The following VPS13D variants were observed in gnomAD, a reference collection of about 807,000 sequenced individuals.
VPS13D encodes intermembrane lipid transfer protein VPS13D.
A neutral mutation model predicts 461.9 loss-of-function variants in VPS13D; 187 were observed. That is an observed-to-expected ratio of 0.40 (90% CI 0.36 to 0.46). The LOEUF is 0.46. Among genes scored for constraint, VPS13D ranks in the 20% least tolerant of loss-of-function variants. VPS13D has a pLI of 0.60. For synonymous variants in VPS13D, 1,951 were observed against 1,986.3 expected (o/e 0.98, Z 0.47); for missense variants, 4,711 against 5,364.9 (o/e 0.88, Z 3.81).
At chr1:12,400,396 C>T in intron 61 of VPS13D, 66 bp downstream of exon 61, 1 of 1,578,942 alleles carries the variant, frequency 6.3e-7, no homozygotes, top group Non-Finnish European at 8.6e-7. Context: ...CTCTCACAGC[C>T]AAGTCTCAGA....
intron 55 of VPS13D, among the ~76,000 whole-genome samples, chr1:12,377,389 G>C (rs1644214096): frequency 6.6e-6 from 1 of 151,946 alleles, no homozygotes; most frequent in Non-Finnish European, 1.5e-5. Flanking sequence ...AAGTCTTATG[G>C]ACCAATGTCT....
intron 63 of VPS13D, 132 bp downstream of exon 63, chr1:12,404,105 A>T: frequency 3.0e-6 from 2 of 661,274 alleles, no homozygotes; most frequent in Non-Finnish European, 4.5e-6. Flanking sequence ...TTCATAGCAG[A>T]CATTTTATTT....
intron 39 of VPS13D, chr1:12,337,896 C>A: frequency 5.2e-6 from 1 of 192,810 alleles, no homozygotes; most frequent in Non-Finnish European, 1.1e-5. Context: ...TTTTTAATGC[C>A]ATTTAAGAAC....
intron 1 of VPS13D, among the ~76,000 whole-genome samples, chr1:12,231,409 T>A (rs1417889955): frequency 1.3e-5 from 2 of 152,236 alleles, no homozygotes; most frequent in Non-Finnish European, 2.9e-5. Context: ...CCAGGTTGCC[T>A]CACAATGCTA....
intron 67 of VPS13D, among the ~76,000 whole-genome samples, chr1:12,471,686 C>T (rs1177208726): frequency 6.6e-6 from 1 of 152,058 alleles, no homozygotes; most frequent in African/African-American, 2.4e-5. Flanking sequence ...TCCATTTTTA[C>T]GTTATTATGA....
intron 25 of VPS13D, among the ~76,000 whole-genome samples, 186 bp from the exon 26 acceptor site, chr1:12,304,320 A>G (rs1463741935): frequency 2.0e-5 from 3 of 152,176 alleles, no homozygotes; most frequent in Non-Finnish European, 4.4e-5. Context: ...GTGGCAGTAA[A>G]TGTCGTGATC....
chr1:12,475,543 A>G (rs1284070236), intron 67 of VPS13D, among the ~76,000 whole-genome samples: 1 of 152,248 alleles, frequency 6.6e-6, no homozygotes, highest in Non-Finnish European at 1.5e-5. Flanking sequence ...GCTGTAGTGT[A>G]CCTAAAGTAT....
At chr1:12,297,971 G>A (rs756391277) in intron 24 of VPS13D, among the ~76,000 whole-genome samples, 1 of 152,120 alleles carries the variant, frequency 6.6e-6, no homozygotes, top group African/African-American at 2.4e-5. Context: ...ATAACTGAAC[G>A]CATGTTCAAG....
Position 12,242,493 on chromosome 1 carries a change from G to C in VPS13D, c.98-20G>C. On this transcript the variant is annotated intron_variant, in intron 2 of 69. Coordinates refer to ENST00000620676, the MANE Select transcript of VPS13D (RefSeq NM_015378.4). ...TGTATTTGTTAAATGGATATTTCATGATGCTGTTTTTATTTTTAGGTGCTG... is the reference window on the plus strand; with the variant it reads ...TGTATTTGTTAAATGGATATTTCATCATGCTGTTTTTATTTTTAGGTGCTG... The C allele has an allele frequency of 6.2e-7, 1 of 1,607,598 alleles. No homozygotes were observed. The highest frequency in any genetic ancestry group is 8.5e-7 in the Non-Finnish European group (1 of 1,174,240).
In VPS13D at chr1:12,491,081, G is replaced by C. The variant is rs143007716; in HGVS notation, c.12663-6419G>C. On this transcript the variant is annotated intron_variant, in intron 67 of 69. Coordinates refer to ENST00000620676, the MANE Select transcript of VPS13D (RefSeq NM_015378.4). ...TCAGTGACCAGTATTGGAAGAGGTA[G>C]TCTGGATTGACCTTCGTTCTCAGTC... is the stretch of plus-strand genomic sequence containing the variant. Among the ~76,000 whole-genome samples the C allele has an allele frequency of 2.4e-3, 361 of 152,344 alleles. 2 individuals are homozygous for C. Among genetic ancestry groups the C allele is most frequent in the African/African-American group, 8.2e-3 (342 of 41,578 alleles).
At chr1:12,349,639 A>G (rs1322162481) in intron 46 of VPS13D, among the ~76,000 whole-genome samples, 1 of 152,214 alleles carries the variant, frequency 6.6e-6, no homozygotes, top group Admixed American at 6.5e-5. Context: ...GTGTTGTACA[A>G]CAGCATAAAG....
chr1:12,401,498 A>T, intron 61 of VPS13D, 110 bp from the exon 62 acceptor site: 2 of 715,654 alleles, frequency 2.8e-6, no homozygotes, highest in African/African-American at 1.8e-5. Context: ...TTATAGTTAT[A>T]AAGCCACATG....
chr1:12,347,235 G>A (rs532841802), intron 44 of VPS13D, among the ~76,000 whole-genome samples: 14 of 151,784 alleles, frequency 9.2e-5, no homozygotes, highest in South Asian at 2.1e-4. Flanking sequence ...CAGTGGTGCC[G>A]TCTCAGCTCA....
chr1:12,265,830 C>G (rs1641250409), intron 13 of VPS13D, among the ~76,000 whole-genome samples: 1 of 152,162 alleles, frequency 6.6e-6, no homozygotes. Flanking sequence ...GAGATGGAAT[C>G]TACTCCTGGT....
At chr1:12,296,062 G>C (rs1290769525) in intron 24 of VPS13D, among the ~76,000 whole-genome samples, 1 of 152,094 alleles carries the variant, frequency 6.6e-6, no homozygotes, top group East Asian at 1.9e-4. Context: ...ATTTCATTCT[G>C]TGTATAAATG....
intron 1 of VPS13D, 120 bp downstream of exon 1, chr1:12,230,240 G>A (rs915925774): frequency 6.6e-6 from 1 of 152,372 alleles, no homozygotes; most frequent in Non-Finnish European, 1.5e-5. Flanking sequence ...CCACCCTGGG[G>A]AGAGCGATGC....
At chr1:12,477,227 CTT>C (rs1465668962) in intron 67 of VPS13D, among the ~76,000 whole-genome samples, 1 of 151,594 alleles carries the variant, frequency 6.6e-6, no homozygotes, top group Non-Finnish European at 1.5e-5. Flanking sequence ...ACCTGCTCCT[CTT>C]ATACCTTTGG....
At position 12,358,798 on chromosome 1, in the gene VPS13D, C is replaced by T. The variant is rs575442755; in HGVS notation, c.10141+197C>T. On this transcript the variant is annotated intron_variant, in intron 50 of 69. Coordinates refer to ENST00000620676, the MANE Select transcript of VPS13D (RefSeq NM_015378.4). Reference sequence around the variant, plus strand: ...TTCTCCTGGGGATCTGAGGAGCCACCTAAACACTGCCCTTTTGAGGTCTGT... The same window carrying T: ...TTCTCCTGGGGATCTGAGGAGCCACTTAAACACTGCCCTTTTGAGGTCTGT... Among the ~76,000 whole-genome samples, 61 of 152,266 alleles carry T rather than the reference C, an allele frequency of 4.0e-4. 1 individual carries two copies. The highest frequency in any genetic ancestry group is 2.5e-4 in the Non-Finnish European group (17 of 68,026).
At chr1:12,471,035 C>T (rs1162610484) in intron 67 of VPS13D, among the ~76,000 whole-genome samples, 1 of 152,118 alleles carries the variant, frequency 6.6e-6, no homozygotes, top group East Asian at 1.9e-4. Context: ...GGCATGGTGG[C>T]TCAAGCCTGT....
Sources: gnomAD v4.1 joint callset for allele counts (sites outside exome capture counted in the v4.1 genomes callset) on GRCh38, gnomAD v4.1.1 for gene constraint, MANE v1.5 for transcripts, NCBI Gene and HGNC (gene_info 2026-07-23, HGNC 2026-07-21) for gene names.